The following PPP1R12B variants were observed in gnomAD, a reference collection of about 807,000 sequenced individuals.
The protein encoded by PPP1R12B is protein phosphatase 1 regulatory subunit 12B, also known as myosin phosphatase target subunit 2.
PPP1R12B carries 76 observed loss-of-function variants against 126.1 expected under a neutral mutation model. That is an observed-to-expected ratio of 0.60 (90% confidence interval 0.50 to 0.73). The LOEUF is 0.73. Among genes scored for constraint, PPP1R12B ranks in the 30% least tolerant of loss-of-function variants. The pLI is 0.00. For missense variants in PPP1R12B, 1,052 were observed against 1,205.1 expected (o/e 0.87, Z 1.88); for synonymous variants, 356 against 434.7 (o/e 0.82, Z 2.25).
rs375320086 is a variant in PPP1R12B, at chr1:202,348,845, C to G, written c.-7C>G. ...TAGTTTTGGCAGCAGCTGCCGAGGCCGGAGCAATGGCGGAACTGGAGCACC... is the reference window on the plus strand; with the variant it reads ...TAGTTTTGGCAGCAGCTGCCGAGGCGGGAGCAATGGCGGAACTGGAGCACC... On this transcript the variant is annotated 5_prime_UTR_variant, in exon 1 of 24. Transcript: ENST00000608999. 5.5e-5 allele frequency: 88 copies of G among 1,604,396 alleles called. No individual in the cohort carries two copies. The African/African-American group carries it at 1.1e-3, about 20-fold the overall frequency.
At chr1:202,478,749 T>C (rs1383492853) in intron 13 of PPP1R12B, among the ~76,000 whole-genome samples, 1 of 152,206 alleles carries the variant, frequency 6.6e-6, no homozygotes, top group Non-Finnish European at 1.5e-5. Context: ...TGTCTGTTTT[T>C]TCCCCTGGGG....
rs1689713272 is a variant in PPP1R12B at position 202,584,606 on chromosome 1, G to A, written c.*4046G>A. 1 of 152,230 alleles carries A rather than the reference G, an allele frequency of 6.6e-6. No homozygotes were observed. The highest frequency in any genetic ancestry group is 2.4e-5 in the African/African-American group (1 of 41,462). 9.4% of individuals were successfully genotyped at this position (152,230 alleles called of 1,614,324 possible). A position where few individuals can be genotyped will look rare whatever the true frequency, so the allele number is the denominator to read the frequency against. ...CAGACACTGTCTCCTCTCAGAGAAA[G>A]GCCAGTGTTTCGGTCCAGGCCACTG... On this transcript the variant is annotated 3_prime_UTR_variant, in exon 24 of 24. Transcript: ENST00000608999.
chr1:202,370,765 T>C (rs1220704841), intron 1 of PPP1R12B, among the ~76,000 whole-genome samples: 1 of 152,138 alleles, frequency 6.6e-6, no homozygotes, highest in African/African-American at 2.4e-5. Context: ...CTCGAACTAC[T>C]GACCTCAGGT....
intron 14 of PPP1R12B, among the ~76,000 whole-genome samples, chr1:202,491,172 CG>C (rs1354800102): frequency 6.6e-6 from 1 of 151,988 alleles, no homozygotes; most frequent in Non-Finnish European, 1.5e-5. Context: ...TCACGCAGGC[CG>C]GGGTGCAATG....
intron 1 of PPP1R12B, among the ~76,000 whole-genome samples, chr1:202,398,136 T>C (rs1665274170): frequency 6.6e-6 from 1 of 152,212 alleles, no homozygotes; most frequent in African/African-American, 2.4e-5. Flanking sequence ...TCCTTAAATT[T>C]GGCAGATTCT....
rs1434272704 is a variant in PPP1R12B, at chr1:202,488,600, C to T, written c.1918C>T (p.Arg640Trp). ...ACGGAAAGCACGCTCCAGACAAGCT[C>T]GGCAGACACGAAGGTCTACTCAAGT... ...SLRKARSRQA[R>W]QTRRSTQGVT... is the part of the protein sequence containing the mutation. The change falls in exon 14 of 24, where the codon CGG (arginine) becomes TGG (tryptophan). Residue 640 changes from arginine (R) to tryptophan (W), a missense_variant. Physicochemically the swap from Arg to Trp is moderately radical, Grantham distance 101. Coordinates refer to ENST00000608999, the MANE Select transcript of PPP1R12B (RefSeq NM_002481.4). 2 of 1,611,606 alleles carry T rather than the reference C, an allele frequency of 1.2e-6. No individual in the cohort carries two copies. The highest frequency in any genetic ancestry group is 1.7e-5 in the Admixed American group (1 of 59,806).
chr1:202,476,844 A>G (rs1676737832), intron 13 of PPP1R12B, among the ~76,000 whole-genome samples: 1 of 151,858 alleles, frequency 6.6e-6, no homozygotes, highest in African/African-American at 2.4e-5. Flanking sequence ...CTACTTCAAA[A>G]CCCAATTTCC....
intron 1 of PPP1R12B, among the ~76,000 whole-genome samples, chr1:202,408,843 C>CTTT (rs35632865): frequency 1.8e-4 from 20 of 113,310 alleles, no homozygotes; most frequent in South Asian, 3.3e-4. Flanking sequence ...TTATTTCTTT[C>CTTT]TTTTTTTTTT....
intron 13 of PPP1R12B, among the ~76,000 whole-genome samples, chr1:202,487,444 T>A (rs1678294724): frequency 6.6e-6 from 1 of 152,190 alleles, no homozygotes; most frequent in Admixed American, 6.5e-5. Context: ...CAGCATGTCC[T>A]AGAGATTCCT....
chr1:202,540,874 G>A (rs932871707), intron 18 of PPP1R12B, among the ~76,000 whole-genome samples: 1 of 152,168 alleles, frequency 6.6e-6, no homozygotes, highest in African/African-American at 2.4e-5. Context: ...ACTAACTCTT[G>A]GCCATTGACA....
chr1:202,564,693 A>G (rs1297707321), intron 21 of PPP1R12B, 146 bp downstream of exon 21: 1 of 584,466 alleles, frequency 1.7e-6, no homozygotes, highest in African/African-American at 1.9e-5. Context: ...TTAGATTCTA[A>G]TTTATTTTAG....
intron 1 of PPP1R12B, among the ~76,000 whole-genome samples, chr1:202,376,235 A>G (rs1208125019): frequency 6.6e-6 from 1 of 152,082 alleles, no homozygotes; most frequent in East Asian, 1.9e-4. Context: ...TTTATTAGTT[A>G]AACTTTGGTT....
At chr1:202,521,857 C>G (rs893222400) in intron 18 of PPP1R12B, among the ~76,000 whole-genome samples, 2 of 152,128 alleles carry the variant, frequency 1.3e-5, no homozygotes, top group African/African-American at 4.8e-5. Context: ...ATAGAAAATG[C>G]TGCCATATGT....
intron 1 of PPP1R12B, chr1:202,410,347 A>C (rs1667229525): frequency 2.0e-5 from 3 of 152,258 alleles, no homozygotes; most frequent in African/African-American, 7.2e-5. Context: ...AATCCAAACA[A>C]GTAGGTGTTA....
At chr1:202,382,397 A>G (rs1301991504) in intron 1 of PPP1R12B, among the ~76,000 whole-genome samples, 5 of 151,596 alleles carry the variant, frequency 3.3e-5, no homozygotes, top group East Asian at 1.9e-4. Context: ...CGTTGTGCAC[A>G]TGTACCCTAG....
intron 1 of PPP1R12B, among the ~76,000 whole-genome samples, chr1:202,367,989 GA>G (rs1467292850): frequency 6.6e-6 from 1 of 151,694 alleles, no homozygotes; most frequent in African/African-American, 2.4e-5. Flanking sequence ...TGTTTTTAGA[GA>G]CGGAGTTTTG....
intron 12 of PPP1R12B, among the ~76,000 whole-genome samples, chr1:202,446,352 C>G (rs1368871797): frequency 6.8e-6 from 1 of 146,082 alleles, no homozygotes. Context: ...CTCCCGGGCT[C>G]GAGCAATTCT....
rs1320696461 is a variant in PPP1R12B, at chr1:202,589,135, A to G, written c.*8575A>G. On this transcript the variant is annotated 3_prime_UTR_variant, in exon 24 of 24. Transcript: ENST00000608999. ...GATCCAAAACTATCCTGTAGTTCCA[A>G]ACTACAAATGTAGTTAACTTGGGGG... The G allele has an allele frequency of 2.0e-5, 3 of 152,204 alleles. No homozygotes were observed. Among genetic ancestry groups the G allele is most frequent in the Non-Finnish European group, 2.9e-5 (2 of 68,038 alleles). The allele number at this position is 152,204 out of a possible 1,614,324, so 9.4% of individuals were successfully genotyped here. A position where few individuals can be genotyped will look rare whatever the true frequency, so the allele number is the denominator to read the frequency against.
chr1:202,529,692 G>A (rs575076234), intron 18 of PPP1R12B, among the ~76,000 whole-genome samples: 2 of 152,276 alleles, frequency 1.3e-5, no homozygotes, highest in African/African-American at 4.8e-5. Flanking sequence ...AAACTTGTGA[G>A]CTGAAATTTA....
Sources: gnomAD v4.1 joint callset for allele counts (sites outside exome capture counted in the v4.1 genomes callset) on GRCh38, gnomAD v4.1.1 for gene constraint, MANE v1.5 for transcripts, NCBI Gene and HGNC (gene_info 2026-07-23, HGNC 2026-07-21) for gene names.